The following RBL1 variants were observed in gnomAD, a reference collection of about 807,000 sequenced individuals.
RBL1 encodes the protein retinoblastoma-like protein 1.
In RBL1, 82 loss-of-function variants were observed where a neutral mutation model predicts 123.0. The observed-to-expected ratio is 0.67, with a 90% CI of 0.56 to 0.80. The LOEUF (loss-of-function observed/expected upper bound fraction) is 0.80, where lower values mean the gene tolerates loss of function less well. RBL1 is among the 30% of genes least tolerant of loss of function. RBL1 has a pLI of 0.00. For missense variants in RBL1, 1,171 were observed against 1,299.6 expected, an observed-to-expected ratio of 0.90 and a Z score of 1.52; for synonymous variants, 405 against 441.3, an observed-to-expected ratio of 0.92 and a Z score of 1.03.
Position 37,042,902 on chromosome 20 carries a change from C to CA in RBL1, c.1770+1183_1770+1184insT, listed in dbSNP as rs1243154996. Among the ~76,000 whole-genome samples the CA allele has an allele frequency of 9.4e-5, 11 of 116,656 alleles. 1 individual carries two copies. The highest frequency in any genetic ancestry group is 3.2e-4 in the South Asian group (1 of 3,086). 76.5% of individuals were successfully genotyped at this position (116,656 alleles called of 152,430 possible). A position where few individuals can be genotyped will look rare whatever the true frequency, so the allele number is the denominator to read the frequency against. ...TGACAGAGTGAGATCTTGTCCCCCC[C>CA]CCTCCAAAAAAAAAAAAAAAAAAGT... On this transcript the variant is annotated intron_variant, in intron 13 of 21. Transcript: ENST00000373664.
chr20:37,060,840 A>G (rs2146293615), intron 9 of RBL1, among the ~76,000 whole-genome samples: 1 of 152,160 alleles, frequency 6.6e-6, no homozygotes, highest in East Asian at 1.9e-4. Flanking sequence ...CCAAGCTGGA[A>G]TTAGTCTCAC....
chr20:37,056,878 TTGAC>T (rs1238952480), intron 9 of RBL1, among the ~76,000 whole-genome samples: 1 of 152,226 alleles, frequency 6.6e-6, no homozygotes, highest in Non-Finnish European at 1.5e-5. Context: ...CTTTTTGTGA[TTGAC>T]TAACTTCACT....
At chr20:37,036,162 C>G (rs970268482) in intron 14 of RBL1, among the ~76,000 whole-genome samples, 4 of 152,232 alleles carry the variant, frequency 2.6e-5, no homozygotes, top group Non-Finnish European at 4.4e-5. Flanking sequence ...TCTCTACCAG[C>G]TGCACGGGTT....
intron 7 of RBL1, 73 bp from the exon 8 acceptor site, chr20:37,062,343 AGT>A: frequency 6.5e-7 from 1 of 1,533,866 alleles, no homozygotes; most frequent in Non-Finnish European, 8.8e-7. Context: ...AGATAGATTT[AGT>A]GTTTACAGCT....
chr20:37,005,894 CTTTTTT>C (rs1013303071), intron 20 of RBL1, among the ~76,000 whole-genome samples: 4 of 98,142 alleles, frequency 4.1e-5, no homozygotes, highest in Non-Finnish European at 7.5e-5. Flanking sequence ...TTTTTTCTTT[CTTTTTT>C]TTTTTTTTTT....
In RBL1 at chr20:37,069,380, C is replaced by T. The variant is rs1017667352; in HGVS notation, c.291-1194G>A. ...GCGTCTCCGCCCGGCCGCCATCCCACCTAGGAAGTGAGGAGCACCTCTTCC... is the reference window on the plus strand; with the variant it reads ...GCGTCTCCGCCCGGCCGCCATCCCATCTAGGAAGTGAGGAGCACCTCTTCC... On this transcript the variant is annotated intron_variant, in intron 2 of 21. Transcript: ENST00000373664. Among the ~76,000 whole-genome samples the T allele has an allele frequency of 8.7e-5, 13 of 149,334 alleles. No homozygotes were observed. The South Asian group carries it at 1.7e-3, about 20-fold the overall frequency.
chr20:37,082,348 A>G (rs1449747326), intron 2 of RBL1, among the ~76,000 whole-genome samples: 1 of 151,536 alleles, frequency 6.6e-6, no homozygotes, highest in African/African-American at 2.4e-5. Flanking sequence ...TGGGAAGATA[A>G]GAAAGTTCGG....
intron 2 of RBL1, among the ~76,000 whole-genome samples, chr20:37,074,931 G>A (rs2065340762): frequency 6.6e-6 from 1 of 152,134 alleles, no homozygotes; most frequent in African/African-American, 2.4e-5. Flanking sequence ...GTATACAAAT[G>A]TTCATAGCAA....
intron 2 of RBL1, among the ~76,000 whole-genome samples, chr20:37,068,832 GCTCTCC>G (rs1355254630): frequency 5.9e-5 from 9 of 152,194 alleles, no homozygotes; most frequent in South Asian, 2.1e-4. Flanking sequence ...AAAATTAGGA[GCTCTCC>G]CTCTCCCTCT....
In RBL1 at chr20:37,022,759, C is replaced by T. The variant is rs750256205; in HGVS notation, c.2450G>A (p.Arg817Gln). The T allele has an allele frequency of 2.4e-5, 39 of 1,613,624 alleles. 1 individual carries two copies. The highest frequency in any genetic ancestry group is 2.4e-4 in the South Asian group (22 of 91,072). Residue 817 changes from arginine (R) to glutamine (Q), a missense_variant, in exon 17 of 22, where the codon CGA (arginine) becomes CAA (glutamine). By Grantham distance (43) the Arg-to-Gln change is conservative. Coordinates refer to ENST00000373664, the MANE Select transcript of RBL1 (RefSeq NM_002895.5). ...TTCAAAACACGTCCATATCTTCCTT[C>T]GTAACTCATTTGAAACATCCAGTTT... Reference protein sequence around the residue: ...CLKLDVSNELRRKIWTCFEFT... With the variant: ...CLKLDVSNELQRKIWTCFEFT...
Position 37,095,996 on chromosome 20 carries a change from A to G in RBL1, c.-68T>C, listed in dbSNP as rs770334088. On this transcript the variant is annotated 5_prime_UTR_variant, in exon 1 of 22. Coordinates refer to ENST00000373664, the MANE Select transcript of RBL1 (RefSeq NM_002895.5). ...TTTCTCCCTCCCAGGCGCGCTACCC[A>G]CAACCACCTGCGCCAAAGCGCGCGA... 17 of 1,282,224 alleles carry G rather than the reference A, an allele frequency of 1.3e-5. No homozygotes were observed. The Admixed American group carries it at 3.8e-4, about 28-fold the overall frequency. The allele number at this position is 1,282,224 out of a possible 1,614,324, so 79.4% of individuals were successfully genotyped here. A position where few individuals can be genotyped will look rare whatever the true frequency, so the allele number is the denominator to read the frequency against.
rs185380408 is a variant in RBL1, at chr20:37,068,053, T to C, written c.424A>G (p.Ile142Val). ...GGATTTTGAAATATATCTAAAAAAA[T>C]TGGCTCATATTTTTTGAATATTACA... ...STVIFKKYEP[I>V]FLDIFQNPYE... The change falls in exon 3 of 22, where the codon ATT (isoleucine) becomes GTT (valine). Residue 142 changes from isoleucine to valine, a missense_variant. Transcript: ENST00000373664. 1.6e-5 allele frequency: 26 copies of C among 1,613,668 alleles called. No homozygotes were observed. The highest frequency in any genetic ancestry group is 8.0e-5 in the African/African-American group (6 of 74,998).
intron 2 of RBL1, among the ~76,000 whole-genome samples, chr20:37,085,381 C>A (rs2146331138): frequency 6.6e-6 from 1 of 151,986 alleles, no homozygotes; most frequent in South Asian, 2.1e-4. Context: ...GGTGATCCAC[C>A]CGCCTCAGCC....
At chr20:37,045,078 T>TTACTTACC (rs1300202174) in intron 12 of RBL1, among the ~76,000 whole-genome samples, 1 of 97,752 alleles carries the variant, frequency 1.0e-5, no homozygotes, top group Admixed American at 9.3e-5. Flanking sequence ...TCACATTTAT[T>TTACTTACC]TACTTATTTA....
intron 19 of RBL1, among the ~76,000 whole-genome samples, chr20:37,012,242 G>A (rs1390081810): frequency 6.6e-6 from 1 of 152,242 alleles, no homozygotes; most frequent in Admixed American, 6.5e-5. Context: ...GCCTGGCCTT[G>A]GCCTCCCAAA....
intron 21 of RBL1, among the ~76,000 whole-genome samples, chr20:37,001,934 A>AAAAAAAAAC (rs2063989786): frequency 6.6e-6 from 1 of 151,080 alleles, no homozygotes; most frequent in Non-Finnish European, 1.5e-5. Context: ...AAAAAAAAAA[A>AAAAAAAAAC]AAAAAAAACA....
chr20:37,002,336 G>GTTTTTTTTTTTTTTTTTTTTT lies in RBL1; in HGVS notation c.3036+1345_3036+1365dup, dbSNP rs965408801. Among the ~76,000 whole-genome samples the GTTTTTTTTTTTTTTTTTTTTT allele has an allele frequency of 2.8e-4, 21 of 76,350 alleles. 2 individuals carry two copies. Among genetic ancestry groups the GTTTTTTTTTTTTTTTTTTTTT allele is most frequent in the East Asian group, 1.4e-3 (2 of 1,440 alleles). 50.1% of individuals were successfully genotyped at this position (76,350 alleles called of 152,430 possible). On this transcript the variant is annotated intron_variant, in intron 21 of 21. Coordinates refer to ENST00000373664, the MANE Select transcript of RBL1 (RefSeq NM_002895.5). Reference sequence around the variant, plus strand: ...TGAGCCACCGTGCCTAGCCTTATCTGTTTTTTTTTTTTTTTTTTTTTTTTG... The same window carrying GTTTTTTTTTTTTTTTTTTTTT: ...TGAGCCACCGTGCCTAGCCTTATCTGTTTTTTTTTTTTTTTTTTTTTTTTTTTTTTTTTTTTTTTTTTTTTG...
chr20:37,000,660 G>A (rs1455054248), intron 21 of RBL1, among the ~76,000 whole-genome samples: 7 of 130,910 alleles, frequency 5.3e-5, no homozygotes, highest in African/African-American at 1.2e-4. Flanking sequence ...CTGCCCGGCC[G>A]CCCCTACTGG....
At chr20:37,018,090 G>T (rs1469746991) in intron 19 of RBL1, among the ~76,000 whole-genome samples, 189 bp downstream of exon 19, 1 of 152,048 alleles carries the variant, frequency 6.6e-6, no homozygotes, top group Admixed American at 6.6e-5. Flanking sequence ...AATTAACAGG[G>T]GACAAATTAA....
Sources: gnomAD v4.1 joint callset for allele counts (sites outside exome capture counted in the v4.1 genomes callset) on GRCh38, gnomAD v4.1.1 for gene constraint, MANE v1.5 for transcripts, NCBI Gene and HGNC (gene_info 2026-07-23, HGNC 2026-07-21) for gene names.